Variants in TPH2 observed in about 807,000 individuals in gnomAD.
The protein encoded by TPH2 is tryptophan hydroxylase 2, also known as tryptophan 5-hydroxylase 2.
Under a neutral mutation model 59.1 loss-of-function variants are expected in TPH2, and 27 were observed. That is an observed-to-expected ratio of 0.46 (90% confidence interval 0.34 to 0.63). The LOEUF (loss-of-function observed/expected upper bound fraction) is 0.63. Among genes scored for constraint, TPH2 ranks in the 30% least tolerant of loss-of-function variants. The pLI, the probability that TPH2 is intolerant of heterozygous loss-of-function variation, is 0.01. For missense variants in TPH2, 523 were observed against 588.3 expected, an observed-to-expected ratio of 0.89 and a Z score of 1.15; for synonymous variants, 220 against 210.5, an observed-to-expected ratio of 1.05 and a Z score of -0.39.
intron 8 of TPH2, among the ~76,000 whole-genome samples, chr12:72,019,119 C>T (rs11179054): frequency 0.53 from 79,526 of 151,398 alleles, 22,145 homozygotes; most frequent in Non-Finnish European, 0.64. Context: ...TTTAGCTTTT[C>T]AACATGTATT....
intron 2 of TPH2, among the ~76,000 whole-genome samples, chr12:71,942,958 G>A (rs545232883): frequency 2.6e-5 from 4 of 152,256 alleles, no homozygotes; most frequent in African/African-American, 9.6e-5. Context: ...GCAGCCCTGA[G>A]TTTTCACTCT....
chr12:72,017,159 G>T (rs539538848), intron 8 of TPH2, among the ~76,000 whole-genome samples: 30 of 152,196 alleles, frequency 2.0e-4, no homozygotes, highest in Non-Finnish European at 3.2e-4. Flanking sequence ...GTGTGATTCT[G>T]TGTCTGTGGA....
At chr12:71,964,609 T>G (rs1402107459) in intron 5 of TPH2, 14 of 985,254 alleles carry the variant, frequency 1.4e-5, no homozygotes, top group African/African-American at 1.7e-5. Flanking sequence ...TGATACTATT[T>G]CATGAAGGTG....
chr12:71,947,662 G>T (rs151096698), intron 4 of TPH2, among the ~76,000 whole-genome samples: 411 of 152,066 alleles, frequency 2.7e-3, no homozygotes, highest in African/African-American at 9.2e-3. Flanking sequence ...AGAATGGATG[G>T]CCAAGGAATG....
chr12:72,003,102 C>T (rs531581942), intron 8 of TPH2, among the ~76,000 whole-genome samples: 1 of 152,288 alleles, frequency 6.6e-6, no homozygotes, highest in African/African-American at 2.4e-5. Flanking sequence ...CTTGTCTTTG[C>T]CTACCTGGCT....
intron 5 of TPH2, among the ~76,000 whole-genome samples, chr12:71,961,227 C>G (rs944440386): frequency 6.6e-6 from 1 of 152,176 alleles, no homozygotes; most frequent in African/African-American, 2.4e-5. Flanking sequence ...CAGATTATTA[C>G]ATTTGTAAGC....
chr12:71,967,351 C>T (rs1260817081), intron 5 of TPH2, among the ~76,000 whole-genome samples: 2 of 152,186 alleles, frequency 1.3e-5, no homozygotes, highest in Non-Finnish European at 2.9e-5. Context: ...AAAGAAAGTT[C>T]TTAGTCATCT....
intron 1 of TPH2, among the ~76,000 whole-genome samples, chr12:71,941,091 T>G (rs1871048799): frequency 6.6e-6 from 1 of 152,230 alleles, no homozygotes; most frequent in Non-Finnish European, 1.5e-5. Flanking sequence ...TCTGGGCATG[T>G]GCTGACATAT....
intron 9 of TPH2, among the ~76,000 whole-genome samples, chr12:72,023,427 G>GACTT (rs1873476935): frequency 6.8e-6 from 1 of 148,126 alleles, no homozygotes; most frequent in South Asian, 2.2e-4. Flanking sequence ...GTCATTTTAT[G>GACTT]ACTTCATTCA....
At chr12:72,027,254 C>T (rs1873596316) in intron 9 of TPH2, among the ~76,000 whole-genome samples, 1 of 152,068 alleles carries the variant, frequency 6.6e-6, no homozygotes, top group South Asian at 2.1e-4. Context: ...CCGTTTAATT[C>T]TCTACGGGTT....
intron 4 of TPH2, among the ~76,000 whole-genome samples, chr12:71,945,961 A>G (rs150580006): frequency 5.0e-4 from 76 of 152,338 alleles, no homozygotes; most frequent in African/African-American, 1.7e-3. Context: ...ATTAAAAAAT[A>G]GCTTTAGTAA....
intron 8 of TPH2, among the ~76,000 whole-genome samples, chr12:72,011,814 T>G (rs1178773497): frequency 6.6e-6 from 1 of 152,194 alleles, no homozygotes; most frequent in African/African-American, 2.4e-5. Flanking sequence ...AGGCCTGTGG[T>G]GTCTTAGGGC....
chr12:71,993,841 C>T (rs538875436), intron 7 of TPH2, among the ~76,000 whole-genome samples: 1 of 152,250 alleles, frequency 6.6e-6, no homozygotes, highest in East Asian at 1.9e-4. Context: ...AATTGGATTC[C>T]AATTTTGTCT....
intron 4 of TPH2, among the ~76,000 whole-genome samples, chr12:71,946,735 G>A (rs894268330): frequency 6.6e-6 from 1 of 152,156 alleles, no homozygotes. Flanking sequence ...CACAGGGACC[G>A]TTGTGATAGG....
chr12:71,966,818 A>G (rs1054291728), intron 5 of TPH2, among the ~76,000 whole-genome samples: 1 of 152,154 alleles, frequency 6.6e-6, no homozygotes, highest in Non-Finnish European at 1.5e-5. Flanking sequence ...TGAATAAGTG[A>G]ATTGCTTCCC....
chr12:71,960,307 A>AC (rs1455523612), intron 5 of TPH2, among the ~76,000 whole-genome samples: 2 of 152,200 alleles, frequency 1.3e-5, no homozygotes, highest in Non-Finnish European at 2.9e-5. Context: ...CTGCTTAGCA[A>AC]CTTCCATTTG....
intron 7 of TPH2, among the ~76,000 whole-genome samples, chr12:71,982,749 G>A (rs1872319998): frequency 6.6e-6 from 1 of 152,204 alleles, no homozygotes; most frequent in Non-Finnish European, 1.5e-5. Context: ...GCTTTCAGTT[G>A]CTGAACTGTT....
intron 5 of TPH2, among the ~76,000 whole-genome samples, chr12:71,963,439 C>A: frequency 2.8e-5 from 1 of 35,120 alleles, no homozygotes; most frequent in Non-Finnish European, 7.2e-5. Context: ...TGTGTATATA[C>A]ATACATATAT....
chr12:71,982,365 G>T (rs979605664), intron 7 of TPH2, among the ~76,000 whole-genome samples: 20 of 152,040 alleles, frequency 1.3e-4, no homozygotes, highest in Non-Finnish European at 1.5e-4. Flanking sequence ...TCACTAAAAG[G>T]TATATACTGT....
Sources: gnomAD v4.1 joint callset for allele counts (sites outside exome capture counted in the v4.1 genomes callset) on GRCh38, gnomAD v4.1.1 for gene constraint, MANE v1.5 for transcripts, NCBI Gene and HGNC (gene_info 2026-07-23, HGNC 2026-07-21) for gene names.